PRH1: variants seen among roughly 807,000 people sequenced by gnomAD.
The protein encoded by PRH1 is proline rich protein HaeIII subfamily 1, also known as salivary acidic proline-rich phosphoprotein 1/2.
PRH1 carries 7 observed loss-of-function variants against 7.9 expected under a neutral mutation model. The observed-to-expected ratio is 0.89, with a 90% CI of 0.50 to 1.67. The LOEUF (loss-of-function observed/expected upper bound fraction) is 1.67, where lower values mean the gene tolerates loss of function less well. PRH1 is among the 40% of genes most tolerant of loss of function. The pLI is 0.00. For missense variants in PRH1, 109 were observed against 223.6 expected, an observed-to-expected ratio of 0.49 and a Z score of 3.27; for synonymous variants, 45 against 80.8, an observed-to-expected ratio of 0.56 and a Z score of 2.38.
intron 1 of PRH1, among the ~76,000 whole-genome samples, chr12:10,984,927 G>T (rs1261867774): frequency 6.6e-6 from 1 of 151,810 alleles, no homozygotes; most frequent in African/African-American, 2.4e-5. Flanking sequence ...TAATTCAAAT[G>T]ATTTTTATAA....
chr12:10,985,112 T>C (rs1029404837), intron 1 of PRH1, among the ~76,000 whole-genome samples: 2 of 152,044 alleles, frequency 1.3e-5, no homozygotes, highest in Admixed American at 6.6e-5. Context: ...AGATCTCAAC[T>C]TCAAAAAAGG....
intron 1 of PRH1, among the ~76,000 whole-genome samples, chr12:11,092,538 C>T (rs1944958276): frequency 8.7e-6 from 1 of 115,256 alleles, no homozygotes; most frequent in South Asian, 2.4e-4. Flanking sequence ...TCAGAGTGCC[C>T]TTTTATCAAT....
intron 1 of PRH1, chr12:11,021,922 T>C (rs1333958356): frequency 1.2e-5 from 20 of 1,614,068 alleles, no homozygotes; most frequent in Non-Finnish European, 1.6e-5. Flanking sequence ...GCTGGGATCT[T>C]GAGATCCTTT....
intron 1 of PRH1, among the ~76,000 whole-genome samples, chr12:11,038,893 G>A (rs2599409): frequency 0.44 from 66,469 of 151,752 alleles, 15,399 homozygotes; most frequent in Non-Finnish European, 0.51. Flanking sequence ...CCATTGTGTC[G>A]TATCCTTTCC....
intron 2 of PRH1, among the ~76,000 whole-genome samples, chr12:10,904,404 A>T (rs1949772746): frequency 6.6e-6 from 1 of 152,064 alleles, no homozygotes; most frequent in Admixed American, 6.6e-5. Context: ...GTTTGACAAA[A>T]CTGACAAAAA....
chr12:11,061,919 T>A (rs201120984), intron 1 of PRH1: 5 of 1,613,978 alleles, frequency 3.1e-6, no homozygotes, highest in Non-Finnish European at 4.2e-6. Context: ...ACAACACTCT[T>A]AACTCTCCTC....
intron 1 of PRH1, among the ~76,000 whole-genome samples, chr12:11,011,793 T>A (rs992785244): frequency 9.9e-5 from 15 of 152,202 alleles, no homozygotes; most frequent in Non-Finnish European, 2.1e-4. Context: ...TGCTAACTAA[T>A]ACTTTTGTAT....
chr12:11,061,048 A>G (rs537629365), intron 1 of PRH1, among the ~76,000 whole-genome samples: 3 of 152,288 alleles, frequency 2.0e-5, no homozygotes, highest in Middle Eastern at 3.4e-3. Flanking sequence ...TATAAAATAC[A>G]TAAATGAAAT....
At chr12:10,954,707 G>A (rs1386964938) in intron 2 of PRH1, among the ~76,000 whole-genome samples, 1 of 152,010 alleles carries the variant, frequency 6.6e-6, no homozygotes, top group African/African-American at 2.4e-5. Flanking sequence ...AAACTCCTGG[G>A]GTCAAGTGAT....
intron 1 of PRH1, among the ~76,000 whole-genome samples, chr12:11,154,579 T>C (rs1396631652): frequency 6.6e-6 from 1 of 152,160 alleles, no homozygotes; most frequent in Non-Finnish European, 1.5e-5. Flanking sequence ...GGGCCAGAAC[T>C]TCACTGTGAA....
intron 1 of PRH1, among the ~76,000 whole-genome samples, chr12:10,994,379 G>C (rs1220044157): frequency 6.6e-6 from 1 of 152,202 alleles, no homozygotes; most frequent in African/African-American, 2.4e-5. Context: ...TCCGTCCTCT[G>C]TTGCTTCCAT....
At chr12:11,133,775 T>C (rs749498965) in intron 1 of PRH1, 1 of 1,614,196 alleles carries the variant, frequency 6.2e-7, no homozygotes, top group Non-Finnish European at 8.5e-7. Flanking sequence ...TCCTTCATAT[T>C]CTTTTGTCCA....
At chr12:10,987,028 G>A in intron 1 of PRH1, 1 of 465,120 alleles carries the variant, frequency 2.1e-6, no homozygotes, top group Non-Finnish European at 3.7e-6. Flanking sequence ...ACCAGCTTAT[G>A]CTAATGGATG....
At chr12:11,129,877 C>A (rs1296712555) in intron 1 of PRH1, among the ~76,000 whole-genome samples, 1 of 152,234 alleles carries the variant, frequency 6.6e-6, no homozygotes, top group Non-Finnish European at 1.5e-5. Context: ...CAGACCGGGC[C>A]CTGTGGCATA....
At chr12:11,137,140 T>A (rs2136383245) in intron 1 of PRH1, among the ~76,000 whole-genome samples, 1 of 152,292 alleles carries the variant, frequency 6.6e-6, no homozygotes, top group Middle Eastern at 3.4e-3. Flanking sequence ...TGAGCAGCAC[T>A]AGATCTCAAA....
intron 2 of PRH1, among the ~76,000 whole-genome samples, chr12:10,964,264 CT>C (rs67904946): frequency 0.24 from 37,010 of 152,028 alleles, 4,557 homozygotes; most frequent in Non-Finnish European, 0.25. Context: ...TATATAGATA[CT>C]TTTTAGACTA....
At chr12:11,133,946 G>T (rs1946465406) in intron 1 of PRH1, 1 of 1,614,016 alleles carries the variant, frequency 6.2e-7, no homozygotes, top group Non-Finnish European at 8.5e-7. Context: ...GCTGAGGCTA[G>T]TAGCAAGCCA....
intron 1 of PRH1, among the ~76,000 whole-genome samples, chr12:11,085,339 T>C (rs1221810574): frequency 2.1e-5 from 3 of 145,754 alleles, no homozygotes; most frequent in African/African-American, 7.5e-5. Context: ...TATGTTGAAA[T>C]ATCAAAATAG....
chr12:10,899,495 C>T (rs1326473434), intron 2 of PRH1, among the ~76,000 whole-genome samples: 1 of 152,116 alleles, frequency 6.6e-6, no homozygotes, highest in African/African-American at 2.4e-5. Flanking sequence ...TGAGTGAGTT[C>T]TCACTCTCAC....
Sources: gnomAD v4.1 joint callset for allele counts (sites outside exome capture counted in the v4.1 genomes callset) on GRCh38, gnomAD v4.1.1 for gene constraint, MANE v1.5 for transcripts, NCBI Gene and HGNC (gene_info 2026-07-23, HGNC 2026-07-21) for gene names.